TRIP11: variants seen among roughly 807,000 people sequenced by gnomAD.
TRIP11 encodes the protein thyroid hormone receptor interactor 11.
A neutral mutation model predicts 223.1 loss-of-function variants in TRIP11; 148 were observed. The ratio of observed to expected loss-of-function variants is 0.66; its 90% CI spans 0.58 to 0.76. The LOEUF is 0.76. TRIP11 is among the 30% of genes least tolerant of loss of function. The pLI is 0.00. For synonymous variants in TRIP11, 762 were observed against 772.6 expected, an observed-to-expected ratio of 0.99 and a Z score of 0.23; for missense variants, 2,043 against 2,222.0, an observed-to-expected ratio of 0.92 and a Z score of 1.62.
chr14:91,991,052 T>A (rs12436470), intron 15 of TRIP11, among the ~76,000 whole-genome samples: 11,506 of 152,250 alleles, frequency 0.076, 582 homozygotes, highest in Admixed American at 0.14. Flanking sequence ...ATGGCTTGAA[T>A]GTATACCCAC....
At position 92,000,073 on chromosome 14, in the gene TRIP11, T is replaced by C. The variant is rs1297337767; in HGVS notation, c.4593A>G (p.Ala1531=). Residue 1531 remains alanine (A), a synonymous_variant, in exon 12 of 21, where the codon GCA becomes GCG. Transcript: ENST00000267622. ...CTGTCTTCTCCTGCATTGATTTAAC[T>C]GCATTTAAAAGCTGATTTAACTCTC... ...KTGELNQLLN[A]VKSMQEKTVV... 2 of 1,614,060 alleles carry C rather than the reference T, an allele frequency of 1.2e-6. No individual in the cohort carries two copies. The highest frequency in any genetic ancestry group is 3.3e-5 in the Admixed American group (2 of 60,022).
Position 91,999,330 on chromosome 14 carries a change from G to A in TRIP11, c.4802C>T (p.Ala1601Val). Reference protein sequence around the residue: ...SEDSYTREALAAEDREAKLRK... With the variant: ...SEDSYTREALVAEDREAKLRK... ...TAGTTTAGCCTCTCTATCTTCTGCA[G>A]CCAAAGCTTCACGGGTATAAGAATC... Residue 1601 changes from alanine (A) to valine (V), a missense_variant, in exon 13 of 21, where the codon GCT (alanine) becomes GTT (valine). By Grantham distance (64) the Ala-to-Val change is moderately conservative. Coordinates refer to ENST00000267622, the MANE Select transcript of TRIP11 (RefSeq NM_004239.4). The A allele has an allele frequency of 6.2e-7, 1 of 1,613,910 alleles. No individual in the cohort carries two copies. The highest frequency in any genetic ancestry group is 8.5e-7 in the Non-Finnish European group (1 of 1,179,918).
intron 7 of TRIP11, among the ~76,000 whole-genome samples, chr14:92,014,010 T>C (rs1325358209): frequency 1.3e-5 from 2 of 152,244 alleles, no homozygotes; most frequent in African/African-American, 4.8e-5. Flanking sequence ...TAGCAATACC[T>C]AATCCTTTTT....
chr14:92,021,788 T>C lies in TRIP11; in HGVS notation c.356A>G (p.Asp119Gly). The change falls in exon 4 of 21, where the codon GAT becomes GGT. Residue 119 changes from aspartate (D) to glycine (G), a missense_variant. By Grantham distance (94) the Asp-to-Gly change is moderately conservative (BLOSUM62 -1). Coordinates refer to ENST00000267622, the MANE Select transcript of TRIP11 (RefSeq NM_004239.4). Reference protein sequence around the residue: ...HLKARQIALQDQLLKLQSAAQ... With the variant: ...HLKARQIALQGQLLKLQSAAQ... Reference sequence around the variant, plus strand: ...AGCTGACTGCAGTTTCAGCAACTGATCCTGGAGTGCAATCTGTCTGGCTTT... The same window carrying C: ...AGCTGACTGCAGTTTCAGCAACTGACCCTGGAGTGCAATCTGTCTGGCTTT... 1 of 1,614,184 alleles carries C rather than the reference T, an allele frequency of 6.2e-7. No individual in the cohort carries two copies. Among genetic ancestry groups the C allele is most frequent in the Non-Finnish European group, 8.5e-7 (1 of 1,180,028 alleles).
chr14:91,976,561 G>C (rs552114606), intron 16 of TRIP11, among the ~76,000 whole-genome samples: 1 of 152,322 alleles, frequency 6.6e-6, no homozygotes, highest in South Asian at 2.1e-4. Context: ...GGAGGAAGTA[G>C]AAAGGACTTT....
At chr14:91,985,228 C>T (rs890304015) in intron 16 of TRIP11, among the ~76,000 whole-genome samples, 3 of 151,986 alleles carry the variant, frequency 2.0e-5, no homozygotes, top group African/African-American at 4.8e-5. Flanking sequence ...GGTATCTACA[C>T]GATGTGTCAT....
intron 3 of TRIP11, among the ~76,000 whole-genome samples, chr14:92,024,434 T>C (rs1444924615): frequency 6.6e-6 from 1 of 152,162 alleles, no homozygotes; most frequent in Non-Finnish European, 1.5e-5. Context: ...ATTTTATTTT[T>C]ATAGTAATTC....
Position 92,039,792 on chromosome 14 carries a change from G to T in TRIP11, c.-107C>A. 5 of 1,548,966 alleles carry T rather than the reference G, an allele frequency of 3.2e-6. No individual in the cohort carries two copies. Among genetic ancestry groups the T allele is most frequent in the Middle Eastern group, 3.3e-4 (2 of 5,976 alleles). ...TTGAACGCCTGCCTTCGCGAGACAG[G>T]ATACGATAACACAAAGCTGGGTTCT... On this transcript the variant is annotated 5_prime_UTR_variant, in exon 1 of 21. Transcript: ENST00000267622.
intron 13 of TRIP11, among the ~76,000 whole-genome samples, chr14:91,999,013 T>A (rs2056786524): frequency 6.6e-6 from 1 of 152,098 alleles, no homozygotes; most frequent in Admixed American, 6.6e-5. Flanking sequence ...ACACAGACAG[T>A]TTGAATGCCA....
Position 92,006,125 on chromosome 14 carries a change from C to T in TRIP11, c.1851G>A (p.Glu617=). The T allele has an allele frequency of 1.2e-6, 2 of 1,609,364 alleles. No individual in the cohort carries two copies. The highest frequency in any genetic ancestry group is 1.1e-5 in the South Asian group (1 of 89,458). Residue 617 remains glutamate (E), a synonymous_variant, in exon 11 of 21, where the codon GAG becomes GAA. Transcript: ENST00000267622. The part of the protein sequence containing the change: ...LELKEHIRQN[E]EELSRIRNEL... ...CATTCCTTATTCTAGAAAGCTCCTC[C>T]TCATTTTGTCTAATATGCTCCTTAA...
chr14:91,973,759 G>C (rs2056428188), intron 19 of TRIP11, among the ~76,000 whole-genome samples: 2 of 152,202 alleles, frequency 1.3e-5, no homozygotes, highest in African/African-American at 4.8e-5. Flanking sequence ...GGGCACAGTG[G>C]CTCACGCCTG....
At chr14:92,008,661 T>C (rs905532834) in intron 9 of TRIP11, among the ~76,000 whole-genome samples, 9 of 152,226 alleles carry the variant, frequency 5.9e-5, no homozygotes, top group South Asian at 2.1e-4. Context: ...CTTCTTTCAT[T>C]GACAGATTTT....
intron 19 of TRIP11, among the ~76,000 whole-genome samples, chr14:91,974,096 C>T (rs1399031997): frequency 6.6e-6 from 1 of 152,166 alleles, no homozygotes; most frequent in African/African-American, 2.4e-5. Flanking sequence ...CTACTCAATT[C>T]AATTAATATT....
At chr14:91,998,207 T>C (rs1566854914) in intron 13 of TRIP11, among the ~76,000 whole-genome samples, 1 of 152,174 alleles carries the variant, frequency 6.6e-6, no homozygotes, top group African/African-American at 2.4e-5. Context: ...ATACAACTAA[T>C]AGGAATACAA....
intron 11 of TRIP11, among the ~76,000 whole-genome samples, chr14:92,002,590 T>G (rs2056840503): frequency 6.6e-6 from 1 of 151,994 alleles, no homozygotes; most frequent in Non-Finnish European, 1.5e-5. Context: ...TTTTTCTTTT[T>G]TATTGAGACA....
At position 92,004,971 on chromosome 14, in the gene TRIP11, A is replaced by G. The variant is rs1431901001; in HGVS notation, c.3005T>C (p.Leu1002Pro). ...DIFQETKVQS[L>P]NIENGSEKHD... ...CTTTTCACTTCCATTTTCTATATTA[A>G]GGCTCTGAACTTTTGTTTCTTGAAA... Residue 1002 changes from leucine (L) to proline (P), a missense_variant, in exon 11 of 21, where the codon CTT (leucine) becomes CCT (proline). Transcript: ENST00000267622. The G allele has an allele frequency of 6.2e-7, 1 of 1,613,792 alleles. No homozygotes were observed. The highest frequency in any genetic ancestry group is 2.2e-5 in the East Asian group (1 of 44,866).
chr14:91,996,531 G>C (rs971285642), intron 13 of TRIP11, among the ~76,000 whole-genome samples: 1 of 152,172 alleles, frequency 6.6e-6, no homozygotes, highest in Non-Finnish European at 1.5e-5. Flanking sequence ...GACAGAGTGA[G>C]ATCCTGTCTC....
At chr14:91,991,960 G>A (rs1383168734) in intron 15 of TRIP11, among the ~76,000 whole-genome samples, 1 of 150,746 alleles carries the variant, frequency 6.6e-6, no homozygotes, top group Non-Finnish European at 1.5e-5. Context: ...GTGTGTGCCT[G>A]TAATCTCAGC....
At position 92,033,260 on chromosome 14, in the gene TRIP11, G is replaced by A; in HGVS notation, c.140-7C>T. The A allele has an allele frequency of 6.2e-7, 1 of 1,605,242 alleles. No individual in the cohort carries two copies. The highest frequency in any genetic ancestry group is 1.1e-5 in the South Asian group (1 of 90,676). The stretch of plus-strand genomic sequence containing the variant: ...CTAGAATCAGGTAATTCTGCTACAA[G>A]AGAAATAACAAATATTGAATATTTA... On this transcript the variant is annotated splice_polypyrimidine_tract_variant and splice_region_variant and intron_variant, in intron 1 of 20. Coordinates refer to ENST00000267622, the MANE Select transcript of TRIP11 (RefSeq NM_004239.4).
Sources: allele counts gnomAD v4.1 joint callset (sites outside exome capture counted in the v4.1 genomes callset), GRCh38; gene constraint gnomAD v4.1.1; transcripts MANE v1.5; gene names NCBI Gene and HGNC (gene_info 2026-07-23, HGNC 2026-07-21).